The following AMPH variants were observed in gnomAD, a reference collection of about 807,000 sequenced individuals.
AMPH encodes the protein amphiphysin (Stiff-Mann syndrome with breast cancer 128kD autoantigen).
Under a neutral mutation model 99.1 loss-of-function variants are expected in AMPH, and 49 were observed. The observed-to-expected ratio is 0.49, with a 90% confidence interval of 0.39 to 0.63. The LOEUF (loss-of-function observed/expected upper bound fraction) is 0.63, where lower values mean the gene tolerates loss of function less well. Among genes scored for constraint, AMPH ranks in the 20% least tolerant of loss-of-function variants. The pLI, the probability that AMPH is intolerant of heterozygous loss-of-function variation, is 0.00. For missense variants in AMPH, 759 were observed against 863.4 expected, an observed-to-expected ratio of 0.88 and a Z score of 1.52; for synonymous variants, 314 against 317.3, an observed-to-expected ratio of 0.99 and a Z score of 0.11.
Position 38,538,893 on chromosome 7 carries a change from G to A in AMPH, c.70-3882C>T, listed in dbSNP as rs138609975. Among the ~76,000 whole-genome samples the A allele has an allele frequency of 1.7e-3, 263 of 152,286 alleles. 1 individual carries two copies. Among genetic ancestry groups the A allele is most frequent in the African/African-American group, 6.1e-3 (252 of 41,556 alleles). ...GACAGCTCTGTGGCATCCAGGTAGA[G>A]ATATGGTAAATAGCATGATATGGCC... On this transcript the variant is annotated intron_variant, in intron 1 of 20. Transcript: ENST00000356264.
chr7:38,604,612 T>C (rs142389915), intron 1 of AMPH, among the ~76,000 whole-genome samples: 60 of 152,290 alleles, frequency 3.9e-4, no homozygotes, highest in Middle Eastern at 6.8e-3. Context: ...GAGCCTCAGC[T>C]TCCTCAATAA....
chr7:38,476,103 T>C (rs559416623), intron 6 of AMPH, among the ~76,000 whole-genome samples: 1 of 152,294 alleles, frequency 6.6e-6, no homozygotes, highest in African/African-American at 2.4e-5. Context: ...TGTGAACTGC[T>C]CAGAAACTGA....
intron 1 of AMPH, among the ~76,000 whole-genome samples, chr7:38,567,504 T>A (rs1380617643): frequency 1.3e-5 from 2 of 152,074 alleles, no homozygotes; most frequent in African/African-American, 4.8e-5. Context: ...ACCTACACAT[T>A]GTGCACATGT....
chr7:38,451,185 G>T (rs59702921), intron 11 of AMPH, among the ~76,000 whole-genome samples: 8,158 of 151,620 alleles, frequency 0.054, 599 homozygotes, highest in East Asian at 0.35. Flanking sequence ...GAGTCACCAT[G>T]TCTGGCCCCA....
chr7:38,450,259 G>T (rs532491379), intron 11 of AMPH, among the ~76,000 whole-genome samples: 3 of 152,300 alleles, frequency 2.0e-5, no homozygotes, highest in African/African-American at 7.2e-5. Context: ...GTTGGAGAAA[G>T]ATTTAGGAAA....
chr7:38,603,814 TC>T (rs1793338842), intron 1 of AMPH, among the ~76,000 whole-genome samples: 1 of 152,118 alleles, frequency 6.6e-6, no homozygotes, highest in African/African-American at 2.4e-5. Flanking sequence ...GATTGCTAGG[TC>T]CCAGAGTGGA....
intron 14 of AMPH, chr7:38,428,263 C>A (rs747385095): frequency 1.8e-5 from 8 of 456,586 alleles, no homozygotes; most frequent in Admixed American, 9.4e-5. Context: ...CAGATTTGAC[C>A]TGGATCTGTT....
At position 38,559,423 on chromosome 7, in the gene AMPH, G is replaced by A. The variant is rs373111199; in HGVS notation, c.70-24412C>T. Among the ~76,000 whole-genome samples the A allele has an allele frequency of 8.5e-5, 13 of 152,342 alleles. No homozygotes were observed. In the East Asian group the frequency reaches 2.1e-3, roughly 25 times the overall value. ...CCTGGAAGAAAGTCAGGCACACTGGGTTTCCCGATGGAATGGGGAGCCAGG... is the reference window on the plus strand; with the variant it reads ...CCTGGAAGAAAGTCAGGCACACTGGATTTCCCGATGGAATGGGGAGCCAGG... On this transcript the variant is annotated intron_variant, in intron 1 of 20. Transcript: ENST00000356264.
chr7:38,506,452 G>C (rs1789328877), intron 2 of AMPH, among the ~76,000 whole-genome samples: 1 of 152,158 alleles, frequency 6.6e-6, no homozygotes, highest in Non-Finnish European at 1.5e-5. Flanking sequence ...GAATGGAACT[G>C]AGAGAGAAGC....
Position 38,449,463 on chromosome 7 carries a change from T to C in AMPH, c.1017+11820A>G, listed in dbSNP as rs114797642. Among the ~76,000 whole-genome samples the C allele has an allele frequency of 3.2e-3, 495 of 152,334 alleles. 4 individuals carry two copies. The highest frequency in any genetic ancestry group is 0.011 in the African/African-American group (468 of 41,576). On this transcript the variant is annotated intron_variant, in intron 11 of 20. Transcript: ENST00000356264. ...GAATGAGACCTTGCAGAAAGATATT[T>C]AGTAGCTTTCCCTGTTCTGTAGACA... is the stretch of plus-strand genomic sequence containing the variant.
At position 38,496,388 on chromosome 7, in the gene AMPH, G is replaced by A. The variant is rs143930496; in HGVS notation, c.206-1861C>T. Among the ~76,000 whole-genome samples the A allele has an allele frequency of 2.0e-4, 30 of 152,160 alleles. No homozygotes were observed. The East Asian group carries it at 5.6e-3, about 28-fold the overall frequency. ...AACATCTCCCTTCCCTCAGAGCATC[G>A]CTGGGCACATTCCACGAAGCCCTTG... On this transcript the variant is annotated intron_variant, in intron 3 of 20. Transcript: ENST00000356264.
intron 17 of AMPH, among the ~76,000 whole-genome samples, chr7:38,410,299 T>C (rs531769975): frequency 3.1e-4 from 47 of 152,312 alleles, no homozygotes; most frequent in African/African-American, 1.1e-3. Context: ...TACACTTTGT[T>C]GGCAAAACTC....
intron 2 of AMPH, among the ~76,000 whole-genome samples, chr7:38,504,019 C>T (rs1789240960): frequency 6.6e-6 from 1 of 152,162 alleles, no homozygotes; most frequent in Non-Finnish European, 1.5e-5. Flanking sequence ...GGGAAGTGAT[C>T]ACCATTATCT....
At chr7:38,519,149 G>C (rs1021626337) in intron 2 of AMPH, among the ~76,000 whole-genome samples, 5 of 152,164 alleles carry the variant, frequency 3.3e-5, no homozygotes, top group Admixed American at 3.3e-4. Flanking sequence ...GCCAATGCTG[G>C]CACCACATCC....
At position 38,429,155 on chromosome 7, in the gene AMPH, C is replaced by T. The variant is rs73694072; in HGVS notation, c.1182+687G>A. The T allele has an allele frequency of 3.6e-3, 4,680 of 1,290,008 alleles. 144 individuals are homozygous for T. In the African/African-American group the frequency reaches 0.065, roughly 18 times the overall value. The allele number at this position is 1,290,008 out of a possible 1,614,324, so 79.9% of individuals were successfully genotyped here. A position where few individuals can be genotyped will look rare whatever the true frequency, so the allele number is the denominator to read the frequency against. ...TCATATCTTCATGACTTTCTTTGAA[C>T]AGGCCAGCTGTGTCCATGGCTGGCA... On this transcript the variant is annotated intron_variant, in intron 14 of 20. Coordinates refer to ENST00000356264, the MANE Select transcript of AMPH (RefSeq NM_001635.4).
chr7:38,464,292 T>G (rs1469587371), intron 9 of AMPH, among the ~76,000 whole-genome samples: 1 of 152,202 alleles, frequency 6.6e-6, no homozygotes, highest in African/African-American at 2.4e-5. Context: ...ATTCTGATAT[T>G]CCCATTCCAA....
intron 1 of AMPH, among the ~76,000 whole-genome samples, chr7:38,614,264 C>A (rs1423671021): frequency 3.9e-5 from 6 of 152,200 alleles, no homozygotes; most frequent in Non-Finnish European, 5.9e-5. Context: ...ATACTGGGGG[C>A]AACCTGCAAT....
At chr7:38,429,962 G>C (rs536713596) in intron 13 of AMPH, 97 bp from the exon 14 acceptor site, 91 of 1,164,074 alleles carry the variant, frequency 7.8e-5, no homozygotes. Context: ...TCTGCTGAAG[G>C]CTATAGCTTT....
intron 1 of AMPH, among the ~76,000 whole-genome samples, chr7:38,573,440 G>A (rs1792122294): frequency 6.6e-6 from 1 of 152,186 alleles, no homozygotes; most frequent in Admixed American, 6.5e-5. Flanking sequence ...ATGGGCTAAT[G>A]ACAACCAAAA....
Sources: allele counts gnomAD v4.1 joint callset (sites outside exome capture counted in the v4.1 genomes callset), GRCh38; gene constraint gnomAD v4.1.1; transcripts MANE v1.5; gene names NCBI Gene and HGNC (gene_info 2026-07-23, HGNC 2026-07-21).